The following NELL2 variants were observed in gnomAD, a reference collection of about 807,000 sequenced individuals.
The protein encoded by NELL2 is neural EGFL like 2.
NELL2 carries 41 observed loss-of-function variants against 109.6 expected under a neutral mutation model. That is an observed-to-expected ratio of 0.37 (90% CI 0.29 to 0.49). The LOEUF is 0.49. Ranked by LOEUF, NELL2 falls within the 20% of genes least tolerant of loss-of-function variation. The probability of loss-of-function intolerance (pLI) is 0.98; values close to 1 mark genes in which losing one functional copy is unlikely to be tolerated. For synonymous variants in NELL2, 355 were observed against 344.7 expected, an observed-to-expected ratio of 1.03 and a Z score of -0.33; for missense variants, 900 against 1,008.3, an observed-to-expected ratio of 0.89 and a Z score of 1.45.
At chr12:44,851,552 T>C (rs1307962852) in intron 2 of NELL2, 1 of 152,212 alleles carries the variant, frequency 6.6e-6, no homozygotes, top group Admixed American at 6.5e-5. Flanking sequence ...CTTATGACTT[T>C]GCTGTCATTT....
intron 10 of NELL2, 54 bp downstream of exon 10, chr12:44,714,596 T>C: frequency 8.8e-7 from 1 of 1,135,634 alleles, no homozygotes; most frequent in Non-Finnish European, 1.3e-6. Flanking sequence ...AAGAAACTTT[T>C]ATCTTGTTTA....
chr12:44,733,407 A>G (rs1939473831), intron 9 of NELL2, among the ~76,000 whole-genome samples: 1 of 152,162 alleles, frequency 6.6e-6, no homozygotes, highest in Middle Eastern at 3.4e-3. Flanking sequence ...CATATGCTAC[A>G]ACATGGATGA....
At chr12:44,615,889 A>C (rs1487658328) in intron 13 of NELL2, among the ~76,000 whole-genome samples, 1 of 152,186 alleles carries the variant, frequency 6.6e-6, no homozygotes, top group Non-Finnish European at 1.5e-5. Context: ...TTTAAAAGAA[A>C]AGGATGATAA....
At chr12:44,698,473 A>C (rs1949127898) in intron 12 of NELL2, among the ~76,000 whole-genome samples, 1 of 152,162 alleles carries the variant, frequency 6.6e-6, no homozygotes, top group Admixed American at 6.6e-5. Context: ...ATGATGTTTT[A>C]TGAATGTTAA....
chr12:44,920,094 A>C (rs1195571006), intron 1 of NELL2, among the ~76,000 whole-genome samples: 1 of 152,198 alleles, frequency 6.6e-6, no homozygotes, highest in Admixed American at 6.5e-5. Context: ...ACAGAGAAAA[A>C]AAGAATAATT....
At chr12:44,792,048 G>A (rs999544083) in intron 3 of NELL2, among the ~76,000 whole-genome samples, 5 of 152,130 alleles carry the variant, frequency 3.3e-5, no homozygotes, top group African/African-American at 4.8e-5. Context: ...TGAGAGTGGT[G>A]TCTCAAAAGC....
At position 44,711,300 on chromosome 12, in the gene NELL2, A is replaced by T. The variant is rs1566214005; in HGVS notation, c.1181T>A (p.Val394Asp). The change falls in exon 11 of 20, where the codon GTT becomes GAT. Residue 394 changes from valine (V) to aspartate (D), a missense_variant. By Grantham distance (152) the Val-to-Asp change is radical (BLOSUM62 -3). This residue lies in a region of NELL2 where 292 missense variants were observed against 265.3 expected (regional missense o/e 1.10). Transcript: ENST00000429094. ...TTTCAAAAAAGTCTTACCTTTACAA[A>T]CTTTGCAACAGCTGTGAGACAAGGT... is the stretch of plus-strand genomic sequence containing the variant. ...QITLSHSCCK[V>D]CKGYDFCSER... is the part of the protein sequence containing the mutation. 6.2e-7 allele frequency: 1 copy of T among 1,612,046 alleles called. No individual in the cohort carries two copies. The highest frequency in any genetic ancestry group is 8.5e-7 in the Non-Finnish European group (1 of 1,178,464).
chr12:44,737,966 A>T (rs948993525), intron 9 of NELL2, among the ~76,000 whole-genome samples: 15 of 152,294 alleles, frequency 9.8e-5, no homozygotes, highest in African/African-American at 3.4e-4. Context: ...CTAAATAAGG[A>T]AGTCACAGAA....
At chr12:44,663,927 T>G (rs912331631) in intron 13 of NELL2, among the ~76,000 whole-genome samples, 1 of 152,134 alleles carries the variant, frequency 6.6e-6, no homozygotes, top group Non-Finnish European at 1.5e-5. Flanking sequence ...AATATAAAAA[T>G]GCACAAAGCT....
rs148953296 is a variant in NELL2 at position 44,528,472 on chromosome 12, A to G, written c.1804+4109T>C. Among the ~76,000 whole-genome samples the G allele has an allele frequency of 2.1e-3, 315 of 152,360 alleles. 2 individuals are homozygous for G. Among genetic ancestry groups the G allele is most frequent in the African/African-American group, 7.3e-3 (304 of 41,588 alleles). ...TTTTAACTACATATACATATCCAGT[A>G]TATGTCATACTAATATCTACATTCC... is the stretch of plus-strand genomic sequence containing the variant. On this transcript the variant is annotated intron_variant, in intron 16 of 19. Coordinates refer to ENST00000429094, the MANE Select transcript of NELL2 (RefSeq NM_001145108.2).
intron 2 of NELL2, among the ~76,000 whole-genome samples, chr12:44,819,804 G>A (rs1943480266): frequency 6.6e-6 from 1 of 152,202 alleles, no homozygotes; most frequent in Non-Finnish European, 1.5e-5. Context: ...AACAAAGCCA[G>A]CGGAAGCCCC....
intron 1 of NELL2, among the ~76,000 whole-genome samples, chr12:44,899,871 T>G (rs182957429): frequency 5.1e-4 from 77 of 152,242 alleles, no homozygotes; most frequent in Non-Finnish European, 8.2e-4. Context: ...AGACCCATCT[T>G]ATGTGCAAAG....
intron 12 of NELL2, 136 bp from the exon 13 acceptor site, chr12:44,665,745 G>C (rs186673087): frequency 2.0e-6 from 2 of 1,001,276 alleles, no homozygotes; most frequent in Non-Finnish European, 2.8e-6. Flanking sequence ...TATCTCCTTT[G>C]CTAGGAGTGT....
chr12:44,679,957 T>C (rs1248873885), intron 12 of NELL2, among the ~76,000 whole-genome samples: 19 of 152,146 alleles, frequency 1.2e-4, no homozygotes. Flanking sequence ...TGAATCCAAC[T>C]TGCTTGAAAT....
chr12:44,808,212 G>A (rs983453487), intron 3 of NELL2, among the ~76,000 whole-genome samples: 4 of 152,020 alleles, frequency 2.6e-5, no homozygotes, highest in Non-Finnish European at 2.9e-5. Flanking sequence ...AAAATGCCTC[G>A]CTTCTTTAGT....
chr12:44,587,284 A>AAAAAAAAAAAATATATATATAT, intron 15 of NELL2, among the ~76,000 whole-genome samples: 16 of 72,194 alleles, frequency 2.2e-4, no homozygotes, highest in South Asian at 6.9e-4. Flanking sequence ...AAAAAAAAAA[A>AAAAAAAAAAAATATATATATAT]ATATATATAT....
intron 15 of NELL2, among the ~76,000 whole-genome samples, chr12:44,592,331 C>T (rs1944783850): frequency 6.6e-6 from 1 of 151,984 alleles, no homozygotes; most frequent in African/African-American, 2.4e-5. Context: ...AAAGGCAGGT[C>T]AAAATAATAA....
chr12:44,532,567 C>G lies in NELL2; in HGVS notation c.1804+14G>C. 6.2e-7 allele frequency: 1 copy of G among 1,606,748 alleles called. No homozygotes were observed. The highest frequency in any genetic ancestry group is 8.5e-7 in the Non-Finnish European group (1 of 1,177,280). On this transcript the variant is annotated intron_variant, in intron 16 of 19. Coordinates refer to ENST00000429094, the MANE Select transcript of NELL2 (RefSeq NM_001145108.2). ...GAGAAGTTCTTAAATTCTAGGTCTT[C>G]TCCTTGTACTGACCTTCACACGATT...
intron 11 of NELL2, among the ~76,000 whole-genome samples, chr12:44,708,555 C>A (rs778063264): frequency 2.6e-5 from 4 of 152,158 alleles, no homozygotes; most frequent in Non-Finnish European, 5.9e-5. Flanking sequence ...TAGGAGTTGA[C>A]TAAAAATTTA....
Sources: gnomAD v4.1 joint callset for allele counts (sites outside exome capture counted in the v4.1 genomes callset) on GRCh38, gnomAD v4.1.1 for gene constraint, gnomAD v4.1.1 regional missense constraint, MANE v1.5 for transcripts, NCBI Gene and HGNC (gene_info 2026-07-23, HGNC 2026-07-21) for gene names.